Variants in DLC1 observed in about 807,000 individuals in gnomAD.
DLC1 encodes DLC1 Rho GTPase activating protein.
In DLC1, 54 loss-of-function variants were observed where a neutral mutation model predicts 140.3. That is an observed-to-expected ratio of 0.38 (90% confidence interval 0.31 to 0.48). The LOEUF (loss-of-function observed/expected upper bound fraction) is 0.48, where lower values mean the gene tolerates loss of function less well. Among genes scored for constraint, DLC1 ranks in the 20% least tolerant of loss-of-function variants. DLC1 has a pLI of 0.96. For synonymous variants in DLC1, 986 were observed against 728.1 expected (o/e 1.35, Z -5.70); for missense variants, 2,536 against 1,907.0 (o/e 1.33, Z -6.14).
At chr8:13,539,862 G>A (rs55976507) in intron 1 of DLC1, among the ~76,000 whole-genome samples, 18,428 of 151,932 alleles carry the variant, frequency 0.12, 1,294 homozygotes, top group Non-Finnish European at 0.14. Flanking sequence ...TAGGACAGAA[G>A]AAACACTCCA....
intron 1 of DLC1, among the ~76,000 whole-genome samples, chr8:13,542,782 T>C (rs1803528279): frequency 1.3e-5 from 2 of 152,150 alleles, no homozygotes; most frequent in Non-Finnish European, 2.9e-5. Context: ...TGGTTGTATG[T>C]AGAAATACGA....
chr8:13,376,012 A>G (rs1192362482), intron 4 of DLC1, among the ~76,000 whole-genome samples: 1 of 152,180 alleles, frequency 6.6e-6, no homozygotes, highest in Admixed American at 6.5e-5. Flanking sequence ...ACATGCACGA[A>G]CCGAAAAGAG....
Position 13,499,993 on chromosome 8 carries a change from G to A in DLC1, c.79C>T (p.Arg27Cys), listed in dbSNP as rs34575560. ...WMGQPFNSDD[R>C]NTACHHGLVA... The stretch of plus-strand genomic sequence containing the variant: ...AGTCCATGATGACATGCTGTGTTAC[G>A]ATCATCAGAATTAAAAGGCTGTCCC... Residue 27 changes from arginine (R) to cysteine (C), a missense_variant, in exon 2 of 18, where the codon CGT becomes TGT. Coordinates refer to ENST00000276297, the MANE Select transcript of DLC1 (RefSeq NM_182643.3). 45,316 of 1,614,004 alleles carry A rather than the reference G, an allele frequency of 0.028. 720 individuals carry two copies. The highest frequency in any genetic ancestry group is 0.032 in the Non-Finnish European group (37,230 of 1,179,964).
At chr8:13,429,770 A>T (rs1236001435) in intron 2 of DLC1, among the ~76,000 whole-genome samples, 1 of 152,216 alleles carries the variant, frequency 6.6e-6, no homozygotes, top group Non-Finnish European at 1.5e-5. Context: ...AAAGACACAC[A>T]AACAAATTTT....
chr8:13,595,824 C>T (rs1248377142), intron 1 of DLC1, among the ~76,000 whole-genome samples: 2 of 151,948 alleles, frequency 1.3e-5, no homozygotes, highest in African/African-American at 2.4e-5. Context: ...TTCTTGTAGA[C>T]TCACAAATGT....
chr8:13,197,252 A>G (rs952313366), intron 5 of DLC1, among the ~76,000 whole-genome samples: 3 of 152,212 alleles, frequency 2.0e-5, no homozygotes, highest in Non-Finnish European at 4.4e-5. Flanking sequence ...AATTATATCA[A>G]CATAATTTGT....
At chr8:13,533,719 C>G (rs1280565478) in intron 1 of DLC1, among the ~76,000 whole-genome samples, 4 of 152,054 alleles carry the variant, frequency 2.6e-5, no homozygotes, top group Non-Finnish European at 5.9e-5. Flanking sequence ...GTGTCCCCAC[C>G]CAAATCTCAT....
intron 1 of DLC1, among the ~76,000 whole-genome samples, chr8:13,506,274 A>AGT (rs377056989): frequency 1.9e-3 from 286 of 151,524 alleles, no homozygotes; most frequent in Non-Finnish European, 2.5e-3. Flanking sequence ...GGGTTGTGAG[A>AGT]GTGTGTGTGT....
chr8:13,167,139 A>G (rs1444882163), intron 5 of DLC1, among the ~76,000 whole-genome samples: 1 of 152,204 alleles, frequency 6.6e-6, no homozygotes, highest in Non-Finnish European at 1.5e-5. Flanking sequence ...TCTAGTGGAA[A>G]CAACCTGTGT....
chr8:13,446,683 G>A (rs576428383), intron 2 of DLC1, among the ~76,000 whole-genome samples: 2 of 152,264 alleles, frequency 1.3e-5, no homozygotes, highest in East Asian at 1.9e-4. Flanking sequence ...GTTCACGCCT[G>A]TAATCTCAGC....
chr8:13,153,852 A>G (rs1022307635), intron 5 of DLC1, among the ~76,000 whole-genome samples: 1 of 152,210 alleles, frequency 6.6e-6, no homozygotes, highest in Admixed American at 6.5e-5. Context: ...AGCTAGACAC[A>G]GAGTGCTGAT....
rs200157607 is a variant in DLC1, at chr8:13,213,335, T to C, written c.1348+91934A>G. Among the ~76,000 whole-genome samples the C allele has an allele frequency of 2.6e-4, 40 of 152,322 alleles. No individual in the cohort carries two copies. In the East Asian group the frequency reaches 6.6e-3, roughly 25 times the overall value. ...CACTATTGTCACCTATAATACACTT[T>C]ATATCTTTGGAATATATAGAAATAA... On this transcript the variant is annotated intron_variant, in intron 5 of 17. Transcript: ENST00000276297.
chr8:13,172,732 G>T (rs77716081), intron 5 of DLC1, among the ~76,000 whole-genome samples: 18,511 of 152,150 alleles, frequency 0.12, 1,197 homozygotes, highest in South Asian at 0.19. Context: ...ATGGAAGTTC[G>T]ATTCCTCAGT....
chr8:13,345,818 G>A (rs1283916670), intron 4 of DLC1, among the ~76,000 whole-genome samples: 1 of 152,070 alleles, frequency 6.6e-6, no homozygotes, highest in Non-Finnish European at 1.5e-5. Flanking sequence ...TGTGGCCTCT[G>A]AAAGTGCTGA....
intron 5 of DLC1, among the ~76,000 whole-genome samples, chr8:13,258,803 A>C (rs1208638493): frequency 6.6e-6 from 1 of 152,114 alleles, no homozygotes; most frequent in East Asian, 1.9e-4. Flanking sequence ...GTCTGGAGCT[A>C]GACTCTAGAA....
At chr8:13,392,219 C>T (rs17805140) in intron 4 of DLC1, among the ~76,000 whole-genome samples, 16,428 of 152,114 alleles carry the variant, frequency 0.11, 1,078 homozygotes, top group Non-Finnish European at 0.15. Context: ...CATTTCATTG[C>T]GTTTCACTGT....
At chr8:13,389,098 C>T (rs560057117) in intron 4 of DLC1, among the ~76,000 whole-genome samples, 4 of 152,122 alleles carry the variant, frequency 2.6e-5, no homozygotes, top group Admixed American at 6.5e-5. Context: ...ATGCTAGACT[C>T]TCCTTGTTCC....
chr8:13,273,538 G>T (rs1831036261), intron 5 of DLC1, among the ~76,000 whole-genome samples: 1 of 152,098 alleles, frequency 6.6e-6, no homozygotes, highest in Admixed American at 6.5e-5. Flanking sequence ...CCTTTTCCTG[G>T]CAACAATTCT....
At chr8:13,233,743 A>T (rs990011257) in intron 5 of DLC1, among the ~76,000 whole-genome samples, 3 of 152,208 alleles carry the variant, frequency 2.0e-5, no homozygotes, top group Admixed American at 6.5e-5. Flanking sequence ...TATTTTGTCA[A>T]CACAATGTTT....
Sources: gnomAD v4.1 joint callset for allele counts (sites outside exome capture counted in the v4.1 genomes callset) on GRCh38, gnomAD v4.1.1 for gene constraint, MANE v1.5 for transcripts, NCBI Gene and HGNC (gene_info 2026-07-23, HGNC 2026-07-21) for gene names.